Variants in VEGFC observed in about 807,000 individuals in gnomAD.
The protein encoded by VEGFC is FLT4 ligand DHM.
VEGFC carries 12 observed loss-of-function variants against 46.1 expected under a neutral mutation model. That is an observed-to-expected ratio of 0.26 (90% confidence interval 0.17 to 0.42). The LOEUF (loss-of-function observed/expected upper bound fraction) is 0.42, where lower values mean the gene tolerates loss of function less well. Among genes scored for constraint, VEGFC ranks in the 10% least tolerant of loss-of-function variants. The pLI is 1.00. For synonymous variants in VEGFC, 232 were observed against 195.5 expected, an observed-to-expected ratio of 1.19 and a Z score of -1.56; for missense variants, 488 against 529.4, an observed-to-expected ratio of 0.92 and a Z score of 0.77.
In VEGFC at chr4:176,687,215, C is replaced by A. The variant is rs749225959; in HGVS notation, c.1117G>T (p.Gly373Ter). The A allele has an allele frequency of 6.2e-7, 1 of 1,613,032 alleles. No homozygotes were observed. Among genetic ancestry groups the A allele is most frequent in the East Asian group, 2.2e-5 (1 of 44,878 alleles). Reference sequence around the variant, plus strand: ...CATGTTTGGTGGTGGAACTTCTTTCCTTTTAACAAGCATTTCTGTGGACTT... The same window carrying A: ...CATGTTTGGTGGTGGAACTTCTTTCATTTTAACAAGCATTTCTGTGGACTT... Reference protein sequence around the residue: ...TESPQKCLLKGKKFHHQTCSC... With the variant: ...TESPQKCLLK The change falls in exon 6 of 7, where the codon GGA (glycine) becomes TGA (stop). Residue 373 changes from glycine to a stop codon, truncating the protein, a stop_gained. Coordinates refer to ENST00000618562, the MANE Select transcript of VEGFC (RefSeq NM_005429.5). LOFTEE classifies it high-confidence loss of function.
rs544677357 is a variant in VEGFC at position 176,699,955 on chromosome 4, C to T, written c.704+11544G>A. On this transcript the variant is annotated intron_variant, in intron 4 of 6. Transcript: ENST00000618562. ...GCGTCTGTTTGTGTTACTGTTTGCTCTTGTTCCATTAGTCTACTCACAGGG... is the reference window on the plus strand; with the variant it reads ...GCGTCTGTTTGTGTTACTGTTTGCTTTTGTTCCATTAGTCTACTCACAGGG... 5.2e-4 allele frequency among the ~76,000 whole-genome samples: 79 copies of T among 152,230 alleles called. 1 individual carries two copies. Among genetic ancestry groups the T allele is most frequent in the African/African-American group, 1.8e-3 (75 of 41,546 alleles).
intron 1 of VEGFC, among the ~76,000 whole-genome samples, chr4:176,755,559 G>A (rs987226534): frequency 1.3e-5 from 2 of 151,776 alleles, no homozygotes; most frequent in African/African-American, 4.8e-5. Context: ...AAGTGCCCTG[G>A]GATTGCCTCC....
intron 3 of VEGFC, among the ~76,000 whole-genome samples, chr4:176,720,516 C>T (rs78716845): frequency 0.035 from 5,345 of 152,114 alleles, 291 homozygotes; most frequent in African/African-American, 0.12. Context: ...AACAAGCAGA[C>T]GCAATCTTTG....
chr4:176,771,609 C>T (rs1367749350), intron 1 of VEGFC, among the ~76,000 whole-genome samples: 1 of 152,050 alleles, frequency 6.6e-6, no homozygotes, highest in Non-Finnish European at 1.5e-5. Flanking sequence ...ACGTGTAAGA[C>T]ACTTAAGAGA....
chr4:176,750,676 T>C (rs1394383482), intron 1 of VEGFC, among the ~76,000 whole-genome samples: 1 of 151,842 alleles, frequency 6.6e-6, no homozygotes, highest in Non-Finnish European at 1.5e-5. Context: ...CTCATAGGTA[T>C]ACATATAAAA....
At chr4:176,741,990 G>T (rs1178103990) in intron 1 of VEGFC, among the ~76,000 whole-genome samples, 2 of 151,600 alleles carry the variant, frequency 1.3e-5, no homozygotes, top group Non-Finnish European at 2.9e-5. Flanking sequence ...TTTTTTGTTT[G>T]ATTTATTTTA....
chr4:176,784,998 C>T (rs1030781711), intron 1 of VEGFC, among the ~76,000 whole-genome samples: 3 of 152,048 alleles, frequency 2.0e-5, no homozygotes, highest in Non-Finnish European at 2.9e-5. Context: ...AAACAAGTTA[C>T]GTCACTGACA....
At chr4:176,698,100 A>C (rs1734356591) in intron 4 of VEGFC, among the ~76,000 whole-genome samples, 1 of 151,772 alleles carries the variant, frequency 6.6e-6, no homozygotes, top group Non-Finnish European at 1.5e-5. Flanking sequence ...TAACCTGCAC[A>C]ATGTGCACAT....
rs1193909700 is a variant in VEGFC, at chr4:176,737,094, C to A, written c.148-7348G>T. ...CTGACTGATAATATTAATGAAAAGA[C>A]CACCCACTTTATTGTATTAACTAAT... On this transcript the variant is annotated intron_variant, in intron 1 of 6. Transcript: ENST00000618562. Among the ~76,000 whole-genome samples the A allele has an allele frequency of 2.7e-5, 4 of 150,312 alleles. 1 individual carries two copies. Among genetic ancestry groups the A allele is most frequent in the Non-Finnish European group, 5.9e-5 (4 of 67,310 alleles).
chr4:176,731,124 A>G (rs1734958290), intron 1 of VEGFC, among the ~76,000 whole-genome samples: 1 of 152,034 alleles, frequency 6.6e-6, no homozygotes, highest in African/African-American at 2.4e-5. Flanking sequence ...CTGATACACC[A>G]TACAGCCATA....
Position 176,687,077 on chromosome 4 carries a change from G to T in VEGFC, c.1145+110C>A, listed in dbSNP as rs1318103601. 5 of 1,168,030 alleles carry T rather than the reference G, an allele frequency of 4.3e-6. No homozygotes were observed. The Admixed American group carries it at 6.9e-5, about 16-fold the overall frequency. 72.4% of individuals were successfully genotyped at this position (1,168,030 alleles called of 1,614,324 possible). ...ATATAAGATTTTTGTCTTTCAGAAT[G>T]TATTGGCCTCATTCTAACAAGCAAT... On this transcript the variant is annotated intron_variant, in intron 6 of 6. Transcript: ENST00000618562.
At chr4:176,774,860 T>C (rs1283687614) in intron 1 of VEGFC, among the ~76,000 whole-genome samples, 1 of 151,946 alleles carries the variant, frequency 6.6e-6, no homozygotes, top group African/African-American at 2.4e-5. Flanking sequence ...TGCTTTACTG[T>C]TGCTTTCTGC....
At chr4:176,736,198 T>C (rs555261699) in intron 1 of VEGFC, among the ~76,000 whole-genome samples, 12 of 152,010 alleles carry the variant, frequency 7.9e-5, no homozygotes, top group African/African-American at 2.9e-4. Flanking sequence ...AATGATAGCT[T>C]TGAATTTCAC....
chr4:176,734,675 A>T (rs1242797260), intron 1 of VEGFC, among the ~76,000 whole-genome samples: 1 of 151,836 alleles, frequency 6.6e-6, no homozygotes, highest in African/African-American at 2.4e-5. Context: ...AATAGCAAAA[A>T]CTAAGTGGCA....
intron 1 of VEGFC, among the ~76,000 whole-genome samples, chr4:176,737,055 C>T (rs1024609500): frequency 6.6e-6 from 1 of 150,492 alleles, no homozygotes; most frequent in Non-Finnish European, 1.5e-5. Context: ...ACAAAACATA[C>T]ACTATTTACA....
chr4:176,703,371 G>A (rs77031297), intron 4 of VEGFC, among the ~76,000 whole-genome samples: 149 of 152,146 alleles, frequency 9.8e-4, no homozygotes, highest in African/African-American at 3.4e-3. Flanking sequence ...AATAAGCTGG[G>A]CACAGAAAGA....
intron 4 of VEGFC, among the ~76,000 whole-genome samples, chr4:176,694,578 A>T (rs1734272744): frequency 6.6e-6 from 1 of 151,970 alleles, no homozygotes; most frequent in Admixed American, 6.6e-5. Flanking sequence ...AACGAGACAG[A>T]AAGTCAACAA....
intron 3 of VEGFC, among the ~76,000 whole-genome samples, chr4:176,725,055 T>G (rs1338634776): frequency 6.6e-6 from 1 of 152,142 alleles, no homozygotes; most frequent in Non-Finnish European, 1.5e-5. Flanking sequence ...TTTAAAAAGC[T>G]GCAAGAGAAG....
chr4:176,705,668 G>A (rs1425245788), intron 4 of VEGFC, among the ~76,000 whole-genome samples: 1 of 152,108 alleles, frequency 6.6e-6, no homozygotes, highest in African/African-American at 2.4e-5. Flanking sequence ...TGCTTAATAT[G>A]TTTTAGGCAC....
Sources: gnomAD v4.1 joint callset for allele counts (sites outside exome capture counted in the v4.1 genomes callset) on GRCh38, gnomAD v4.1.1 for gene constraint, MANE v1.5 for transcripts, NCBI Gene and HGNC (gene_info 2026-07-23, HGNC 2026-07-21) for gene names.